The following EIF4G3 variants were observed in gnomAD, a reference collection of about 807,000 sequenced individuals.
EIF4G3 encodes eIF-4-gamma 3.
Under a neutral mutation model 186.4 loss-of-function variants are expected in EIF4G3, and 34 were observed. The observed-to-expected ratio is 0.18, with a 90% CI of 0.14 to 0.24. EIF4G3 has a LOEUF of 0.24. EIF4G3 is among the 10% of genes least tolerant of loss of function. The pLI, the probability that EIF4G3 is intolerant of heterozygous loss-of-function variation, is 1.00. For synonymous variants in EIF4G3, 673 were observed against 679.5 expected (o/e 0.99, Z 0.15); for missense variants, 1,536 against 1,948.5 (o/e 0.79, Z 3.99).
In EIF4G3 at chr1:21,150,726, C is replaced by T. The variant is rs369101737; in HGVS notation, c.-272+25449G>A. Among the ~76,000 whole-genome samples the T allele has an allele frequency of 2.6e-5, 4 of 152,298 alleles. No individual in the cohort carries two copies. In the East Asian group the frequency reaches 5.8e-4, roughly 22 times the overall value. ...GTGCGGTGGCTCAGGCCTGTAATCC[C>T]AGCACTTTGGGAGGCCGAGGCGGGT... On this transcript the variant is annotated intron_variant, in intron 2 of 36. Coordinates refer to ENST00000602326, the MANE Select transcript of EIF4G3 (RefSeq NM_001391906.1).
chr1:20,845,965 A>T (rs2070845371), intron 29 of EIF4G3, among the ~76,000 whole-genome samples: 1 of 152,122 alleles, frequency 6.6e-6, no homozygotes, highest in African/African-American at 2.4e-5. Flanking sequence ...TGTTTGTGTC[A>T]TCTCTGATTT....
intron 4 of EIF4G3, among the ~76,000 whole-genome samples, chr1:21,026,126 C>T (rs557841301): frequency 1.4e-4 from 22 of 152,178 alleles, no homozygotes; most frequent in Admixed American, 7.2e-4. Context: ...AAGCTGGAGG[C>T]CTCACAATTC....
intron 19 of EIF4G3, among the ~76,000 whole-genome samples, chr1:20,884,197 C>G (rs939427287): frequency 6.6e-6 from 1 of 152,186 alleles, no homozygotes; most frequent in Non-Finnish European, 1.5e-5. Context: ...TTTGTTTTAT[C>G]TACTTACTAA....
chr1:20,893,093 CTTTT>C (rs1184859243), intron 18 of EIF4G3: 88 of 145,500 alleles, frequency 6.0e-4, no homozygotes, highest in South Asian at 9.3e-4. Flanking sequence ...TTTTTCTTTT[CTTTT>C]TTTTTTTTTT....
rs750081443 is a variant in EIF4G3, at chr1:20,942,220, T to C, written c.934A>G (p.Ile312Val). 7.3e-5 allele frequency: 118 copies of C among 1,614,096 alleles called. No homozygotes were observed. The highest frequency in any genetic ancestry group is 4.9e-4 in the Middle Eastern group (3 of 6,084). The change falls in exon 14 of 37, where the codon ATA becomes GTA. Residue 312 changes from isoleucine (I) to valine (V), a missense_variant. Transcript: ENST00000602326. The part of the protein sequence containing the change: ...QEGQTSETTA[I>V]VSIAELPLPP... ...AGAGGAAGCTCTGCTATGGATACTA[T>C]TGCAGTAGTTTCAGATGTCTGGCCT...
chr1:21,117,170 TG>T (rs1376528046), intron 2 of EIF4G3, among the ~76,000 whole-genome samples: 2 of 152,172 alleles, frequency 1.3e-5, no homozygotes, highest in African/African-American at 2.4e-5. Context: ...TATGTCAATC[TG>T]AACTGAGGCT....
At chr1:21,067,107 C>T (rs559463979) in intron 3 of EIF4G3, among the ~76,000 whole-genome samples, 2 of 149,054 alleles carry the variant, frequency 1.3e-5, no homozygotes, top group South Asian at 4.2e-4. Flanking sequence ...CAGGTAAATA[C>T]ATATTAAGTA....
intron 13 of EIF4G3, among the ~76,000 whole-genome samples, chr1:20,945,658 G>A (rs1035801997): frequency 3.3e-5 from 5 of 152,066 alleles, no homozygotes; most frequent in Non-Finnish European, 7.4e-5. Flanking sequence ...TAGAGACAGG[G>A]TATCGCTATG....
intron 29 of EIF4G3, among the ~76,000 whole-genome samples, chr1:20,842,661 C>T (rs191923341): frequency 9.9e-5 from 15 of 151,800 alleles, no homozygotes; most frequent in South Asian, 2.1e-4. Flanking sequence ...CCACCGCGCC[C>T]GGCTGTAAAA....
chr1:21,161,275 G>C (rs1449109001), intron 2 of EIF4G3, among the ~76,000 whole-genome samples: 1 of 151,980 alleles, frequency 6.6e-6, no homozygotes, highest in Non-Finnish European at 1.5e-5. Context: ...AGGCCGAGGC[G>C]GGTGGATCAC....
intron 8 of EIF4G3, among the ~76,000 whole-genome samples, chr1:20,982,073 C>T (rs2078415169): frequency 6.6e-6 from 1 of 152,156 alleles, no homozygotes; most frequent in East Asian, 1.9e-4. Context: ...TTGTCACATG[C>T]TGAACTAAGC....
In EIF4G3 at chr1:20,854,964, A is replaced by G. The variant is rs972578074; in HGVS notation, c.3433+14T>C. On this transcript the variant is annotated intron_variant, in intron 26 of 36. Transcript: ENST00000602326. ...AAGCCACAGCCAGGTTTGAGAAGGG[A>G]CACACACACTTACCAGTCTCACTTG... is the stretch of plus-strand genomic sequence containing the variant. 6.2e-7 allele frequency: 1 copy of G among 1,606,558 alleles called. No individual in the cohort carries two copies. Among genetic ancestry groups the G allele is most frequent in the African/African-American group, 1.3e-5 (1 of 74,642 alleles).
At chr1:21,157,061 AAAT>A (rs2097674834) in intron 2 of EIF4G3, among the ~76,000 whole-genome samples, 1 of 152,184 alleles carries the variant, frequency 6.6e-6, no homozygotes, top group South Asian at 2.1e-4. Flanking sequence ...CTATCTCAAA[AAAT>A]AATAATAAAT....
At chr1:21,021,770 G>T (rs2090769865) in intron 4 of EIF4G3, among the ~76,000 whole-genome samples, 1 of 151,984 alleles carries the variant, frequency 6.6e-6, no homozygotes, top group Non-Finnish European at 1.5e-5. Flanking sequence ...TGGGCAGGCT[G>T]GTCTCGAACT....
At chr1:20,809,544 G>C (rs1391716066) in intron 36 of EIF4G3, among the ~76,000 whole-genome samples, 1 of 152,170 alleles carries the variant, frequency 6.6e-6, no homozygotes, top group East Asian at 1.9e-4. Context: ...TAAGTGTACA[G>C]GTTACTTTGT....
intron 2 of EIF4G3, among the ~76,000 whole-genome samples, chr1:21,159,950 CAA>C (rs1231810802): frequency 2.0e-5 from 3 of 151,968 alleles, no homozygotes; most frequent in African/African-American, 7.3e-5. Flanking sequence ...TACAAAAATA[CAA>C]AAAGTTAGCC....
intron 2 of EIF4G3, among the ~76,000 whole-genome samples, chr1:21,094,563 C>G (rs911326354): frequency 1.4e-5 from 2 of 143,436 alleles, no homozygotes; most frequent in African/African-American, 2.6e-5. Context: ...TAGGTGGGAA[C>G]TGAACAATGA....
At chr1:21,163,015 C>T (rs975108998) in intron 2 of EIF4G3, among the ~76,000 whole-genome samples, 3 of 152,146 alleles carry the variant, frequency 2.0e-5, no homozygotes, top group African/African-American at 4.8e-5. Flanking sequence ...AGAAAAATCC[C>T]CAAACTCCTT....
chr1:20,892,725 C>A (rs1474200997), intron 18 of EIF4G3: 2 of 1,532,170 alleles, frequency 1.3e-6, no homozygotes, highest in Non-Finnish European at 1.7e-6. Context: ...CTGCACTTTG[C>A]AAATCTGTAG....
Sources: gnomAD v4.1 joint callset for allele counts (sites outside exome capture counted in the v4.1 genomes callset) on GRCh38, gnomAD v4.1.1 for gene constraint, MANE v1.5 for transcripts, NCBI Gene and HGNC (gene_info 2026-07-23, HGNC 2026-07-21) for gene names.